The following MYPN variants were observed in gnomAD, a reference collection of about 807,000 sequenced individuals.
MYPN encodes the protein myopalladin.
A neutral mutation model predicts 129.4 loss-of-function variants in MYPN; 63 were observed. The observed-to-expected ratio is 0.49, with a 90% CI of 0.40 to 0.60. The LOEUF (loss-of-function observed/expected upper bound fraction) is 0.60. Ranked by LOEUF, MYPN falls within the 20% of genes least tolerant of loss-of-function variation. MYPN has a pLI of 0.00. For synonymous variants in MYPN, 629 were observed against 600.9 expected (o/e 1.05, Z -0.68); for missense variants, 1,596 against 1,635.4 (o/e 0.98, Z 0.42).
intron 12 of MYPN, among the ~76,000 whole-genome samples, chr10:68,179,989 G>A (rs1307729914): frequency 6.6e-6 from 1 of 152,170 alleles, no homozygotes; most frequent in African/African-American, 2.4e-5. Context: ...AAATTGGATT[G>A]AAAGTATTTT....
intron 12 of MYPN, among the ~76,000 whole-genome samples, chr10:68,184,795 G>T (rs1232811404): frequency 6.6e-6 from 1 of 152,158 alleles, no homozygotes; most frequent in Non-Finnish European, 1.5e-5. Context: ...CTGACTTTCG[G>T]TGCCTGTGCC....
chr10:68,197,270 T>G (rs2134289424), intron 15 of MYPN, 82 bp from the exon 16 acceptor site: 1 of 1,545,236 alleles, frequency 6.5e-7, no homozygotes, highest in South Asian at 1.1e-5. Flanking sequence ...TCTCTAGGTC[T>G]GTAGCCATGC....
chr10:68,111,671 A>G (rs1294294564), intron 1 of MYPN, among the ~76,000 whole-genome samples: 2 of 152,216 alleles, frequency 1.3e-5, no homozygotes, highest in East Asian at 3.8e-4. Context: ...TTTGGTGGGA[A>G]CAAAGGTTGG....
intron 6 of MYPN, among the ~76,000 whole-genome samples, chr10:68,153,367 C>T (rs915522872): frequency 4.6e-5 from 7 of 152,118 alleles, no homozygotes; most frequent in African/African-American, 1.7e-4. Flanking sequence ...CTGATTAGCT[C>T]CTTCTATTAA....
chr10:68,122,361 A>G (rs2042259224), intron 2 of MYPN, 21 bp downstream of exon 2: 2 of 1,610,488 alleles, frequency 1.2e-6, no homozygotes, highest in South Asian at 2.2e-5. Context: ...CCCATTGGTA[A>G]TGCTGAGTAA....
intron 12 of MYPN, among the ~76,000 whole-genome samples, chr10:68,179,379 C>T (rs931256085): frequency 1.3e-5 from 2 of 152,174 alleles, no homozygotes. Flanking sequence ...TCAGGAGCAA[C>T]CTGGGGGCTC....
chr10:68,133,976 G>T (rs1203270450), intron 2 of MYPN, among the ~76,000 whole-genome samples: 1 of 151,984 alleles, frequency 6.6e-6, no homozygotes, highest in Non-Finnish European at 1.5e-5. Context: ...AAAAAGCTAA[G>T]AAGTCAACAC....
intron 5 of MYPN, among the ~76,000 whole-genome samples, chr10:68,149,198 G>A (rs1228562672): frequency 6.6e-6 from 1 of 152,046 alleles, no homozygotes; most frequent in African/African-American, 2.4e-5. Flanking sequence ...CTACAGCCTG[G>A]GCAACAGAAT....
chr10:68,157,137 A>C (rs1478819284), intron 6 of MYPN, among the ~76,000 whole-genome samples: 1 of 152,214 alleles, frequency 6.6e-6, no homozygotes, highest in Non-Finnish European at 1.5e-5. Flanking sequence ...TGGTCTTTCT[A>C]AACCTTTCAT....
chr10:68,171,159 G>A (rs796615135), intron 10 of MYPN, among the ~76,000 whole-genome samples: 28 of 74,086 alleles, frequency 3.8e-4, no homozygotes, highest in Non-Finnish European at 6.6e-4. Context: ...AAAAAAAAAA[G>A]AAAGAAAGAA....
chr10:68,199,644 C>CTT, intron 17 of MYPN, 69 bp downstream of exon 17: 3 of 1,460,432 alleles, frequency 2.1e-6, no homozygotes, highest in Non-Finnish European at 2.9e-6. Context: ...GGCAGAGCCT[C>CTT]TGCCAGAATT....
upstream of MYPN, among the ~76,000 whole-genome samples, chr10:68,103,469 T>C (rs1304563949): frequency 6.6e-6 from 1 of 152,220 alleles, no homozygotes; most frequent in Non-Finnish European, 1.5e-5. Flanking sequence ...ATGTTTCTAT[T>C]AAATAAACAC....
At chr10:68,112,603 A>G (rs1461698676) in intron 1 of MYPN, among the ~76,000 whole-genome samples, 4 of 152,060 alleles carry the variant, frequency 2.6e-5, no homozygotes, top group Non-Finnish European at 5.9e-5. Context: ...CTTTATCTCA[A>G]CATTCTTTTC....
chr10:68,171,745 T>A (rs2043148084), intron 10 of MYPN, among the ~76,000 whole-genome samples: 1 of 152,178 alleles, frequency 6.6e-6, no homozygotes, highest in Admixed American at 6.5e-5. Context: ...TCCAAGTCAG[T>A]GATGCACTGG....
At chr10:68,098,946 G>T (rs1021616701) in intron 1 of MYPN, among the ~76,000 whole-genome samples, 27 of 152,168 alleles carry the variant, frequency 1.8e-4, no homozygotes, top group African/African-American at 6.5e-4. Flanking sequence ...TTAAAATAAA[G>T]TTCACGAAGC....
At chr10:68,096,014 C>T (rs1448720447) in intron 1 of MYPN, among the ~76,000 whole-genome samples, 2 of 152,006 alleles carry the variant, frequency 1.3e-5, no homozygotes, top group African/African-American at 4.8e-5. Context: ...CTTTTTCTCA[C>T]AAAATTGAAA....
chr10:68,185,178 G>A lies in MYPN; in HGVS notation c.2704-3727G>A, dbSNP rs1344880436. On this transcript the variant is annotated intron_variant, in intron 12 of 19. Transcript: ENST00000358913. Reference sequence around the variant, plus strand: ...GGAGGGAGGGAAGGAGGGAAGGAGGGAAGGAGGGAAGGAGGGAAGGAAGGG... The same window carrying A: ...GGAGGGAGGGAAGGAGGGAAGGAGGAAAGGAGGGAAGGAGGGAAGGAAGGG... Among the ~76,000 whole-genome samples the A allele has an allele frequency of 2.0e-5, 3 of 150,248 alleles. No individual in the cohort carries two copies. In the East Asian group the frequency reaches 5.9e-4, roughly 29 times the overall value.
intron 1 of MYPN, among the ~76,000 whole-genome samples, chr10:68,118,490 T>C (rs1460757389): frequency 6.6e-6 from 1 of 152,128 alleles, no homozygotes; most frequent in Non-Finnish European, 1.5e-5. Flanking sequence ...GTTGCCTCAG[T>C]ATAAAAGCTA....
chr10:68,147,532 C>T (rs2042688186), intron 4 of MYPN, among the ~76,000 whole-genome samples: 2 of 152,292 alleles, frequency 1.3e-5, no homozygotes, highest in South Asian at 2.1e-4. Flanking sequence ...CAAAGGAAAG[C>T]CCTCTCTCAT....
Sources: gnomAD v4.1 joint callset for allele counts (sites outside exome capture counted in the v4.1 genomes callset) on GRCh38, gnomAD v4.1.1 for gene constraint, MANE v1.5 for transcripts, NCBI Gene and HGNC (gene_info 2026-07-23, HGNC 2026-07-21) for gene names.